Variants in NUP133 observed in about 807,000 individuals in gnomAD.
The protein encoded by NUP133 is nuclear pore complex protein Nup133.
A neutral mutation model predicts 146.2 loss-of-function variants in NUP133; 66 were observed. That is an observed-to-expected ratio of 0.45 (90% CI 0.37 to 0.55). NUP133 has a LOEUF of 0.55. Ranked by LOEUF, NUP133 falls within the 20% of genes least tolerant of loss-of-function variation. The pLI is 0.00. For synonymous variants in NUP133, 521 were observed against 498.8 expected (o/e 1.04, Z -0.59); for missense variants, 1,277 against 1,374.8 (o/e 0.93, Z 1.12).
At position 229,475,654 on chromosome 1, in the gene NUP133, A is replaced by G. The variant is rs767398057; in HGVS notation, c.1835T>C (p.Met612Thr). ...CGCTCTTACTTGATGAATAAAGTCC[A>G]TAAGAAAAGAGTGAGCTTTCATCTT... The part of the protein sequence containing the change: ...EDKMKAHSFL[M>T]DFIHQVGLFG... The change falls in exon 14 of 26, where the codon ATG (methionine) becomes ACG (threonine). Residue 612 changes from methionine to threonine, a missense_variant. Transcript: ENST00000261396. The G allele has an allele frequency of 7.4e-6, 12 of 1,613,982 alleles. No homozygotes were observed. Among genetic ancestry groups the G allele is most frequent in the Middle Eastern group, 1.6e-4 (1 of 6,082 alleles).
chr1:229,452,773 T>C, intron 21 of NUP133, 130 bp from the exon 22 acceptor site: 1 of 586,254 alleles, frequency 1.7e-6, no homozygotes, highest in Non-Finnish European at 3.0e-6. Flanking sequence ...CCTATCTTTA[T>C]TCAATGATCT....
chr1:229,484,215 G>A, intron 11 of NUP133, 70 bp from the exon 12 acceptor site: 1 of 1,086,692 alleles, frequency 9.2e-7, no homozygotes, highest in Non-Finnish European at 1.4e-6. Context: ...ACTAAAAACT[G>A]CACCCATCCT....
At chr1:229,460,248 T>C (rs1660661351) in intron 20 of NUP133, among the ~76,000 whole-genome samples, 1 of 152,194 alleles carries the variant, frequency 6.6e-6, no homozygotes, top group Admixed American at 6.5e-5. Context: ...TAGGCTGGAG[T>C]GCAATGGTGC....
At chr1:229,489,225 G>A (rs1661450413) in intron 9 of NUP133, among the ~76,000 whole-genome samples, 2 of 152,038 alleles carry the variant, frequency 1.3e-5, no homozygotes, top group Admixed American at 6.5e-5. Context: ...GTGTGAATAT[G>A]GTACACAACA....
chr1:229,490,974 A>G (rs923508568), intron 8 of NUP133, among the ~76,000 whole-genome samples: 10 of 151,834 alleles, frequency 6.6e-5, no homozygotes, highest in African/African-American at 2.4e-4. Context: ...AAAAAAAAAC[A>G]ACTTGTGGAA....
chr1:229,496,222 C>T (rs530059508), intron 6 of NUP133, among the ~76,000 whole-genome samples, 175 bp from the exon 7 acceptor site: 1 of 151,990 alleles, frequency 6.6e-6, no homozygotes, highest in Admixed American at 6.6e-5. Flanking sequence ...CCCTGCAATC[C>T]TAGCAGTTTG....
chr1:229,482,984 C>G (rs994987677), intron 12 of NUP133, among the ~76,000 whole-genome samples: 1 of 152,210 alleles, frequency 6.6e-6, no homozygotes, highest in Admixed American at 6.5e-5. Flanking sequence ...AAAAGTAAAA[C>G]TGCCCCGAGT....
rs761523587 is a variant in NUP133, at chr1:229,484,006, C to T, written c.1592+48G>A. On this transcript the variant is annotated intron_variant, in intron 12 of 25. Coordinates refer to ENST00000261396, the MANE Select transcript of NUP133 (RefSeq NM_018230.3). ...CAATAAGTAGCACATGTCAGTAAAA[C>T]ATATCCTCACACATAAAATAATCCA... The T allele has an allele frequency of 6.7e-6, 9 of 1,336,228 alleles. No homozygotes were observed. In the Admixed American group the frequency reaches 1.4e-4, roughly 21 times the overall value. The allele number at this position is 1,336,228 out of a possible 1,614,324, so 82.8% of individuals were successfully genotyped here.
intron 19 of NUP133, among the ~76,000 whole-genome samples, chr1:229,461,595 T>G (rs1293388154): frequency 6.6e-6 from 1 of 152,138 alleles, no homozygotes; most frequent in Non-Finnish European, 1.5e-5. Context: ...TATGGAGTTT[T>G]AAAAATATAC....
At chr1:229,459,182 C>A (rs994287412) in intron 20 of NUP133, among the ~76,000 whole-genome samples, 1 of 151,984 alleles carries the variant, frequency 6.6e-6, no homozygotes, top group African/African-American at 2.4e-5. Context: ...CTAAAATGTA[C>A]AATACACTAT....
chr1:229,450,804 A>T (rs1418255805), intron 22 of NUP133, 199 bp from the exon 23 acceptor site: 3 of 271,760 alleles, frequency 1.1e-5, no homozygotes, highest in African/African-American at 6.7e-5. Context: ...CAGCTCACTG[A>T]AACTTCTGCC....
intron 24 of NUP133, 55 bp downstream of exon 24, chr1:229,449,071 G>A (rs949458411): frequency 7.9e-5 from 103 of 1,296,590 alleles, no homozygotes; most frequent in Non-Finnish European, 1.1e-4. Flanking sequence ...TGTGGTGAGA[G>A]CAGAGGAAAA....
intron 16 of NUP133, 22 bp from the exon 17 acceptor site, chr1:229,465,541 T>C: frequency 1.3e-6 from 2 of 1,512,176 alleles, no homozygotes; most frequent in Non-Finnish European, 1.8e-6. Context: ...GTTAATGTGT[T>C]ATCACATGCA....
intron 11 of NUP133, among the ~76,000 whole-genome samples, chr1:229,485,262 G>C (rs982309735): frequency 2.0e-4 from 30 of 152,198 alleles, no homozygotes; most frequent in Admixed American, 4.6e-4. Context: ...GCTGACAGGA[G>C]ATGAGGCCAC....
intron 24 of NUP133, among the ~76,000 whole-genome samples, chr1:229,446,711 G>T (rs577685650): frequency 6.6e-6 from 1 of 151,542 alleles, no homozygotes; most frequent in East Asian, 1.9e-4. Context: ...TCCAGCCTGG[G>T]CAACACAGCC....
chr1:229,503,552 A>G (rs572229356), intron 2 of NUP133, among the ~76,000 whole-genome samples: 1 of 152,378 alleles, frequency 6.6e-6, no homozygotes, highest in African/African-American at 2.4e-5. Flanking sequence ...ATGTGTTAAC[A>G]GCCCTGGAAA....
rs1661753131 is a variant in NUP133, at chr1:229,499,876, C to T, written c.514-58G>A. On this transcript the variant is annotated intron_variant, in intron 4 of 25. Transcript: ENST00000261396. ...AATAAAAGAGGAACCCAAAAACCAGCAGTCTGATGGCAATGATACAAAGAA... is the reference window on the plus strand; with the variant it reads ...AATAAAAGAGGAACCCAAAAACCAGTAGTCTGATGGCAATGATACAAAGAA... 5 of 1,559,128 alleles carry T rather than the reference C, an allele frequency of 3.2e-6. 1 individual carries two copies. The highest frequency in any genetic ancestry group is 1.4e-5 in the African/African-American group (1 of 73,272).
At chr1:229,464,244 G>A (rs565972423) in intron 18 of NUP133, among the ~76,000 whole-genome samples, 1 of 152,182 alleles carries the variant, frequency 6.6e-6, no homozygotes, top group African/African-American at 2.4e-5. Flanking sequence ...ACTCTTCCCA[G>A]TCCTAGCCTG....
chr1:229,467,436 T>G (rs575158412), intron 15 of NUP133, among the ~76,000 whole-genome samples: 2 of 152,270 alleles, frequency 1.3e-5, no homozygotes, highest in East Asian at 3.9e-4. Flanking sequence ...CCTCACAAAC[T>G]GGCTGAAGGA....
Sources: allele counts gnomAD v4.1 joint callset (sites outside exome capture counted in the v4.1 genomes callset), GRCh38; gene constraint gnomAD v4.1.1; transcripts MANE v1.5; gene names NCBI Gene and HGNC (gene_info 2026-07-23, HGNC 2026-07-21).